The following ZFAND5 variants were observed in gnomAD, a reference collection of about 807,000 sequenced individuals.
ZFAND5 encodes the protein AN1-type zinc finger protein 5.
Under a neutral mutation model 23.6 loss-of-function variants are expected in ZFAND5, and 4 were observed. The observed-to-expected ratio is 0.17, with a 90% CI of 0.08 to 0.39. The LOEUF is 0.39. Among genes scored for constraint, ZFAND5 ranks in the 10% least tolerant of loss-of-function variants. The pLI is 1.00. For missense variants in ZFAND5, 161 were observed against 253.7 expected (o/e 0.63, Z 2.48); for synonymous variants, 68 against 80.6 (o/e 0.84, Z 0.84).
rs906455635 is a variant in ZFAND5 at position 72,351,442 on chromosome 9, C to T, written c.*4511G>A. ...ACAAAACAAAACAAAAAAAGTCTTA[C>T]ATTTATTAACTTTACTTCTATGGCT... On this transcript the variant is annotated 3_prime_UTR_variant, in exon 7 of 7. Coordinates refer to ENST00000376962, the MANE Select transcript of ZFAND5 (RefSeq NM_001102420.3). The T allele has an allele frequency of 1.3e-5, 2 of 152,112 alleles. No individual in the cohort carries two copies. The highest frequency in any genetic ancestry group is 4.8e-5 in the African/African-American group (2 of 41,418). The allele number at this position is 152,112 out of a possible 1,614,324, so 9.4% of individuals were successfully genotyped here. A position where few individuals can be genotyped will look rare whatever the true frequency, so the allele number is the denominator to read the frequency against.
At position 72,354,740 on chromosome 9, in the gene ZFAND5, T is replaced by C. The variant is rs1157639248; in HGVS notation, c.*1213A>G. The C allele has an allele frequency of 2.6e-5, 4 of 152,454 alleles. No individual in the cohort carries two copies. The highest frequency in any genetic ancestry group is 6.6e-5 in the Admixed American group (1 of 15,266). 9.4% of individuals were successfully genotyped at this position (152,454 alleles called of 1,614,324 possible). On this transcript the variant is annotated 3_prime_UTR_variant, in exon 7 of 7. Transcript: ENST00000376962. ...CCACAACACTAACTATACTCATTTA[T>C]ATATAAAAAACACAAGTTTCATACA...
In ZFAND5 at chr9:72,354,174, T is replaced by A. The variant is rs76801783; in HGVS notation, c.*1779A>T. On this transcript the variant is annotated 3_prime_UTR_variant, in exon 7 of 7. Coordinates refer to ENST00000376962, the MANE Select transcript of ZFAND5 (RefSeq NM_001102420.3). The stretch of plus-strand genomic sequence containing the variant: ...TCTTCAGAATTGTCATAAAACATCA[T>A]CTTTTACAACATGGAGAAGCGAGGT... 6.6e-6 allele frequency: 1 copy of A among 152,212 alleles called. No individual in the cohort carries two copies. The highest frequency in any genetic ancestry group is 1.5e-5 in the Non-Finnish European group (1 of 68,020). 9.4% of individuals were successfully genotyped at this position (152,212 alleles called of 1,614,324 possible).
At chr9:72,364,670 C>T in intron 1 of ZFAND5, 26 bp downstream of exon 1, 1 of 1,116,498 alleles carries the variant, frequency 9.0e-7, no homozygotes, top group South Asian at 1.6e-5. Context: ...GAGCCCGGCT[C>T]CCACCCGCAG....
At chr9:72,364,438 G>A in intron 1 of ZFAND5, 1 of 1,266,330 alleles carries the variant, frequency 7.9e-7, no homozygotes, top group Non-Finnish European at 1.0e-6. Context: ...CGCAGAGGCG[G>A]CACGCCGTGC....
intron 5 of ZFAND5, 112 bp downstream of exon 5, chr9:72,359,306 T>G: frequency 5.1e-6 from 5 of 987,458 alleles, no homozygotes; most frequent in Non-Finnish European, 6.0e-6. Flanking sequence ...GGCCTATATT[T>G]TATGGCTCTC....
chr9:72,363,744 A>G (rs1842170661), intron 1 of ZFAND5, 138 bp from the exon 2 acceptor site: 1 of 662,880 alleles, frequency 1.5e-6, no homozygotes, highest in Non-Finnish European at 1.9e-6. Context: ...CTACTCTTTA[A>G]AAAAAATCCT....
Position 72,355,992 on chromosome 9 carries a change from C to A in ZFAND5, c.603G>T (p.Glu201Asp), listed in dbSNP as rs781212359. The change falls in exon 7 of 7, where the codon GAG becomes GAT. Residue 201 changes from glutamate (E) to aspartate (D), a missense_variant. This residue lies in a region of ZFAND5 where 24 missense variants were observed against 80.0 expected (regional missense o/e 0.30). Transcript: ENST00000376962. ...KAEAAAKIRK[E>D]NPVVVAEKIQ... Reference sequence around the variant, plus strand: ...TTTTTTCAGCCACAACAACTGGATTCTCTTTTCTGATTTTTGCTGCAGCTT... The same window carrying A: ...TTTTTTCAGCCACAACAACTGGATTATCTTTTCTGATTTTTGCTGCAGCTT... 6.2e-7 allele frequency: 1 copy of A among 1,612,722 alleles called. No individual in the cohort carries two copies.
At position 72,363,574 on chromosome 9, in the gene ZFAND5, T is replaced by C; in HGVS notation, c.-114A>G. The stretch of plus-strand genomic sequence containing the variant: ...TCAGTTCCCTCTTTGCCAAATGGAG[T>C]AGAATTGACTTTTAAAGGCTCCTTT... On this transcript the variant is annotated 5_prime_UTR_variant, in exon 2 of 7. Coordinates refer to ENST00000376962, the MANE Select transcript of ZFAND5 (RefSeq NM_001102420.3). The C allele has an allele frequency of 1.1e-6, 1 of 947,036 alleles. No homozygotes were observed. Among genetic ancestry groups the C allele is most frequent in the Non-Finnish European group, 1.3e-6 (1 of 794,888 alleles). The allele number at this position is 947,036 out of a possible 1,614,324, so 58.7% of individuals were successfully genotyped here.
In ZFAND5 at chr9:72,360,235, G is replaced by C. The variant is rs549120629; in HGVS notation, c.152-14C>G. 30 of 1,598,690 alleles carry C rather than the reference G, an allele frequency of 1.9e-5. No individual in the cohort carries two copies. The South Asian group carries it at 3.3e-4, about 17-fold the overall frequency. On this transcript the variant is annotated splice_polypyrimidine_tract_variant and intron_variant, in intron 3 of 6. Coordinates refer to ENST00000376962, the MANE Select transcript of ZFAND5 (RefSeq NM_001102420.3). ...CACTAGCTGTTCCTATTTAAAAAAA[G>C]GATTTGTAAGGAACCAATGAACACT...
intron 5 of ZFAND5, among the ~76,000 whole-genome samples, chr9:72,358,544 A>C (rs1842007662): frequency 1.3e-5 from 2 of 152,152 alleles, no homozygotes; most frequent in South Asian, 4.1e-4. Flanking sequence ...AAACCCAAAC[A>C]AAGGCATCAC....
intron 1 of ZFAND5, 85 bp from the exon 2 acceptor site, chr9:72,363,691 A>G (rs1842167217): frequency 2.1e-6 from 2 of 973,550 alleles, no homozygotes; most frequent in Non-Finnish European, 2.4e-6. Flanking sequence ...AAAAAACTTC[A>G]AAGATAAAAT....
At position 72,354,841 on chromosome 9, in the gene ZFAND5, AGTT is replaced by A. The variant is rs936128914; in HGVS notation, c.*1109_*1111del. The A allele has an allele frequency of 1.3e-4, 20 of 152,610 alleles. No individual in the cohort carries two copies. The highest frequency in any genetic ancestry group is 2.9e-4 in the African/African-American group (12 of 41,450). The allele number at this position is 152,610 out of a possible 1,614,324, so 9.5% of individuals were successfully genotyped here. A position where few individuals can be genotyped will look rare whatever the true frequency, so the allele number is the denominator to read the frequency against. ...ATCAGTGAAGTATACTGCCTTTTCT[AGTT>A]GTTATTGTACAATGCTGTAGATAAT... On this transcript the variant is annotated 3_prime_UTR_variant, in exon 7 of 7. Transcript: ENST00000376962.
intron 1 of ZFAND5, chr9:72,364,447 G>T: frequency 7.9e-7 from 1 of 1,271,412 alleles, no homozygotes; most frequent in Non-Finnish European, 1.0e-6. Context: ...GGCACGCCGT[G>T]CATTGTTTCC....
At chr9:72,363,665 G>A (rs1022790145) in intron 1 of ZFAND5, 59 bp from the exon 2 acceptor site, 2 of 982,510 alleles carry the variant, frequency 2.0e-6, no homozygotes, top group East Asian at 1.1e-4. Flanking sequence ...AGGGGGGTGT[G>A]GGGAAACATT....
chr9:72,353,091 G>A lies in ZFAND5; in HGVS notation c.*2862C>T, dbSNP rs550491831. The A allele has an allele frequency of 2.6e-5, 4 of 152,332 alleles. No homozygotes were observed. Among genetic ancestry groups the A allele is most frequent in the African/African-American group, 7.2e-5 (3 of 41,578 alleles). The allele number at this position is 152,332 out of a possible 1,614,324, so 9.4% of individuals were successfully genotyped here. ...AAAAGGACTCACCCATTTATACTGC[G>A]AATTCATGTGGTCACAGCCTAACAA... On this transcript the variant is annotated 3_prime_UTR_variant, in exon 7 of 7. Transcript: ENST00000376962.
In ZFAND5 at chr9:72,360,198, G is replaced by A; in HGVS notation, c.175C>T (p.Pro59Ser). 6.2e-7 allele frequency: 1 copy of A among 1,612,902 alleles called. No individual in the cohort carries two copies. Among genetic ancestry groups the A allele is most frequent in the Non-Finnish European group, 8.5e-7 (1 of 1,179,324 alleles). Reference sequence around the variant, plus strand: ...TGTACAGATGCAGAATCTGAGGTAGGACTGTTGGAACCACTAGCTGTTCCT... The same window carrying A: ...TGTACAGATGCAGAATCTGAGGTAGAACTGTTGGAACCACTAGCTGTTCCT... The part of the protein sequence containing the change: ...PMGTASGSNS[P>S]TSDSASVQRA... Residue 59 changes from proline to serine, a missense_variant, in exon 4 of 7, where the codon CCT (proline) becomes TCT (serine). By Grantham distance (74) the Pro-to-Ser change is moderately conservative. Transcript: ENST00000376962.
Position 72,365,183 on chromosome 9 carries a change from A to C in ZFAND5, c.-634T>G, listed in dbSNP as rs920726398. The C allele has an allele frequency of 3.3e-5, 5 of 152,196 alleles. No individual in the cohort carries two copies. Among genetic ancestry groups the C allele is most frequent in the South Asian group, 2.1e-4 (1 of 4,838 alleles). 9.4% of individuals were successfully genotyped at this position (152,196 alleles called of 1,614,324 possible). A position where few individuals can be genotyped will look rare whatever the true frequency, so the allele number is the denominator to read the frequency against. On this transcript the variant is annotated 5_prime_UTR_variant, in exon 1 of 7. Coordinates refer to ENST00000376962, the MANE Select transcript of ZFAND5 (RefSeq NM_001102420.3). ...GAGCGAGCCCGCGTAGGAGATGCAC[A>C]CAGCTCCGCGTCCCGGCCGACTAAC... is the stretch of plus-strand genomic sequence containing the variant.
chr9:72,364,347 C>A, intron 1 of ZFAND5: 1 of 1,112,988 alleles, frequency 9.0e-7, no homozygotes, highest in African/African-American at 1.7e-5. Context: ...GCGCGGCCGC[C>A]GCCTCGGCCT....
intron 6 of ZFAND5, among the ~76,000 whole-genome samples, chr9:72,356,411 C>A (rs181674621): frequency 6.6e-6 from 1 of 152,314 alleles, no homozygotes; most frequent in African/African-American, 2.4e-5. Context: ...ACAAAATGGG[C>A]TATCTGCCAG....
Sources: allele counts gnomAD v4.1 joint callset (sites outside exome capture counted in the v4.1 genomes callset), GRCh38; gene constraint gnomAD v4.1.1; regional missense constraint gnomAD v4.1.1; transcripts MANE v1.5; gene names NCBI Gene and HGNC (gene_info 2026-07-23, HGNC 2026-07-21).